VIPR2: variants seen among roughly 807,000 people sequenced by gnomAD.
VIPR2 encodes vasoactive intestinal polypeptide receptor 2.
VIPR2 carries 48 observed loss-of-function variants against 58.0 expected under a neutral mutation model. That is an observed-to-expected ratio of 0.83 (90% CI 0.66 to 1.05). The LOEUF (loss-of-function observed/expected upper bound fraction) is 1.05. Ranked by LOEUF, VIPR2 falls within the 50% of genes least tolerant of loss-of-function variation. VIPR2 has a pLI of 0.00. For missense variants in VIPR2, 534 were observed against 558.0 expected (o/e 0.96, Z 0.43); for synonymous variants, 243 against 235.2 (o/e 1.03, Z -0.30).
intron 2 of VIPR2, among the ~76,000 whole-genome samples, chr7:159,135,755 G>A (rs1284740438): frequency 1.3e-5 from 2 of 152,090 alleles, no homozygotes; most frequent in African/African-American, 4.8e-5. Context: ...CCCAGGAGGC[G>A]GAGGTTGCAG....
intron 4 of VIPR2, among the ~76,000 whole-genome samples, chr7:159,072,662 T>C (rs534190361): frequency 2.0e-5 from 3 of 152,322 alleles, no homozygotes; most frequent in East Asian, 3.9e-4. Flanking sequence ...TATTGATGTA[T>C]ATCCAAAATG....
chr7:159,039,302 T>TACACACAC (rs3064495), intron 6 of VIPR2, among the ~76,000 whole-genome samples: 1 of 148,914 alleles, frequency 6.7e-6, no homozygotes, highest in African/African-American at 2.5e-5. Context: ...CTACTAAAAA[T>TACACACAC]ACACACACAC....
chr7:159,036,060 G>A (rs551000117), intron 7 of VIPR2, 48 bp from the exon 8 acceptor site: 102 of 1,579,144 alleles, frequency 6.5e-5, no homozygotes, highest in South Asian at 2.2e-4. Flanking sequence ...CGGTGTGCAC[G>A]CACACAGGTG....
Position 159,030,806 on chromosome 7 carries a change from G to A in VIPR2, c.1144-17C>T. ...GCACTGCACCTGGGAGGTGAGGGCAGCGGGAACGCCCGTGAGCCTGGGCAG... is the reference window on the plus strand; with the variant it reads ...GCACTGCACCTGGGAGGTGAGGGCAACGGGAACGCCCGTGAGCCTGGGCAG... On this transcript the variant is annotated splice_polypyrimidine_tract_variant and intron_variant, in intron 12 of 12. Coordinates refer to ENST00000262178, the MANE Select transcript of VIPR2 (RefSeq NM_003382.5). 1 of 1,551,630 alleles carries A rather than the reference G, an allele frequency of 6.4e-7. No individual in the cohort carries two copies.
At chr7:159,050,846 T>TA (rs1386325124) in intron 5 of VIPR2, among the ~76,000 whole-genome samples, 1 of 152,088 alleles carries the variant, frequency 6.6e-6, no homozygotes, top group African/African-American at 2.4e-5. Context: ...GTGTAACTGC[T>TA]AAAAACTGAA....
rs1301947660 is a variant in VIPR2, at chr7:159,032,080, A to T, written c.972-13T>A. The T allele has an allele frequency of 6.2e-6, 10 of 1,613,594 alleles. No individual in the cohort carries two copies. The Admixed American group carries it at 1.5e-4, about 24-fold the overall frequency. ...CTTGGCCAGCCTCCTGCACAGAAGG[A>T]GATGAGCCAGCTCAGCTGCTGGACC... On this transcript the variant is annotated splice_polypyrimidine_tract_variant and intron_variant, in intron 10 of 12. Transcript: ENST00000262178.
rs982350333 is a variant in VIPR2 at position 159,058,669 on chromosome 7, C to T, written c.358-91G>A. ...TCCAGGATCCAGCCCTGTGCTCTGG[C>T]CATGAAGGACTCTTGCCTGCCTGGA... is the stretch of plus-strand genomic sequence containing the variant. On this transcript the variant is annotated intron_variant, in intron 4 of 12. Coordinates refer to ENST00000262178, the MANE Select transcript of VIPR2 (RefSeq NM_003382.5). The T allele has an allele frequency of 6.3e-6, 6 of 956,482 alleles. No homozygotes were observed. In the African/African-American group the frequency reaches 9.7e-5, roughly 15 times the overall value. 59.2% of individuals were successfully genotyped at this position (956,482 alleles called of 1,614,324 possible).
intron 5 of VIPR2, 131 bp downstream of exon 5, chr7:159,058,350 G>T: frequency 1.4e-6 from 1 of 706,946 alleles, no homozygotes; most frequent in South Asian, 1.6e-5. Context: ...ATATTTAATG[G>T]CAGCATTCTC....
intron 6 of VIPR2, 29 bp from the exon 7 acceptor site, chr7:159,036,931 G>A (rs1854003839): frequency 6.3e-7 from 1 of 1,599,538 alleles, no homozygotes. Context: ...GGAGAGGAAA[G>A]CATGACCTCA....
chr7:159,045,421 C>G (rs528714668), intron 5 of VIPR2, among the ~76,000 whole-genome samples: 1 of 152,252 alleles, frequency 6.6e-6, no homozygotes, highest in East Asian at 1.9e-4. Context: ...AGAAATAAAC[C>G]TACACATCTA....
chr7:159,140,672 G>A (rs779615994), intron 2 of VIPR2, among the ~76,000 whole-genome samples: 1 of 152,220 alleles, frequency 6.6e-6, no homozygotes, highest in African/African-American at 2.4e-5. Flanking sequence ...CCCAACCAAC[G>A]CTGCCTGCGA....
chr7:159,033,952 CA>C (rs1461055076), intron 10 of VIPR2, among the ~76,000 whole-genome samples: 5 of 152,202 alleles, frequency 3.3e-5, no homozygotes, highest in African/African-American at 1.2e-4. Context: ...CCCAGGTCAT[CA>C]GGTGCAGAAT....
At chr7:159,033,806 GGCTGTA>G (rs1395994818) in intron 10 of VIPR2, among the ~76,000 whole-genome samples, 5 of 152,166 alleles carry the variant, frequency 3.3e-5, no homozygotes, top group Admixed American at 2.0e-4. Flanking sequence ...GAAAAAGACA[GGCTGTA>G]TAACATGTAA....
chr7:159,040,629 T>C (rs981867372), intron 6 of VIPR2, among the ~76,000 whole-genome samples: 4 of 152,164 alleles, frequency 2.6e-5, no homozygotes, highest in African/African-American at 9.7e-5. Context: ...CCTGCACCTA[T>C]TTTGGGGGTG....
At chr7:159,135,005 T>TTTTTTTTG (rs1491560700) in intron 2 of VIPR2, among the ~76,000 whole-genome samples, 61 of 92,060 alleles carry the variant, frequency 6.6e-4, no homozygotes, top group African/African-American at 2.9e-3. Context: ...ATTACAAAAG[T>TTTTTTTTG]TTTTTTTTTT....
At chr7:159,130,389 A>G (rs112294624) in intron 2 of VIPR2, among the ~76,000 whole-genome samples, 2,652 of 152,280 alleles carry the variant, frequency 0.017, 90 homozygotes, top group African/African-American at 0.061. Context: ...AAGATATGCA[A>G]CTTCCCCAGT....
chr7:159,074,278 A>T (rs1474033824), intron 4 of VIPR2, among the ~76,000 whole-genome samples: 1 of 152,226 alleles, frequency 6.6e-6, no homozygotes, highest in Non-Finnish European at 1.5e-5. Flanking sequence ...AGGAAACTGA[A>T]GCACTTCCCC....
At chr7:159,132,820 C>CAGA (rs1563355132) in intron 2 of VIPR2, among the ~76,000 whole-genome samples, 5 of 128,914 alleles carry the variant, frequency 3.9e-5, no homozygotes, top group South Asian at 2.5e-4. Flanking sequence ...GATTGGCATA[C>CAGA]CGATTGATTT....
At chr7:159,033,357 G>A (rs1853706849) in intron 10 of VIPR2, among the ~76,000 whole-genome samples, 1 of 152,136 alleles carries the variant, frequency 6.6e-6, no homozygotes, top group African/African-American at 2.4e-5. Flanking sequence ...TCCTGCCATG[G>A]TACAGCTCTG....
Sources: allele counts gnomAD v4.1 joint callset (sites outside exome capture counted in the v4.1 genomes callset), GRCh38; gene constraint gnomAD v4.1.1; transcripts MANE v1.5; gene names NCBI Gene and HGNC (gene_info 2026-07-23, HGNC 2026-07-21).